DPP6: variants seen among roughly 807,000 people sequenced by gnomAD.
DPP6 encodes the protein dipeptidyl peptidase like 6.
DPP6 carries 69 observed loss-of-function variants against 122.6 expected under a neutral mutation model. The observed-to-expected ratio is 0.56, with a 90% confidence interval of 0.46 to 0.69. The LOEUF (loss-of-function observed/expected upper bound fraction) is 0.69, where lower values mean the gene tolerates loss of function less well. DPP6 is among the 30% of genes least tolerant of loss of function. The pLI is 0.00. For synonymous variants in DPP6, 418 were observed against 433.1 expected, an observed-to-expected ratio of 0.97 and a Z score of 0.43; for missense variants, 928 against 1,116.9, an observed-to-expected ratio of 0.83 and a Z score of 2.41.
chr7:154,766,325 T>G (rs1795897119), intron 8 of DPP6, among the ~76,000 whole-genome samples: 1 of 151,672 alleles, frequency 6.6e-6, no homozygotes, highest in Non-Finnish European at 1.5e-5. Context: ...TTTATTTTAT[T>G]TTATTTTTTT....
chr7:154,084,998 A>AAC (rs1804288612), intron 1 of DPP6, among the ~76,000 whole-genome samples: 1 of 151,544 alleles, frequency 6.6e-6, no homozygotes, highest in African/African-American at 2.4e-5. Context: ...TCAAAAAAAA[A>AAC]AAAAAAAAAA....
At chr7:153,827,146 G>A in the DPP6 span, among the ~76,000 whole-genome samples, 1 of 152,140 alleles carries the variant, frequency 6.6e-6, no homozygotes, top group Non-Finnish European at 1.5e-5. Flanking sequence ...AAGATAAGGT[G>A]ACAGAATACA....
At chr7:153,846,611 C>T in the DPP6 span, among the ~76,000 whole-genome samples, 1 of 149,488 alleles carries the variant, frequency 6.7e-6, no homozygotes, top group Admixed American at 6.7e-5. Context: ...CATCCAATCT[C>T]TATTCTTCTT....
chr7:154,476,200 A>C (rs2151352563), intron 3 of DPP6, among the ~76,000 whole-genome samples: 1 of 152,328 alleles, frequency 6.6e-6, no homozygotes, highest in African/African-American at 2.4e-5. Context: ...CTTATTTAAA[A>C]GTGAAAAAAG....
chr7:154,248,868 G>GA lies in DPP6; in HGVS notation c.243+195817dup, dbSNP rs542936174. On this transcript the variant is annotated intron_variant, in intron 1 of 25. Coordinates refer to ENST00000377770, the MANE Select transcript of DPP6 (RefSeq NM_130797.4). ...GCAACAGAGGGAGACTCCGTCTCAG[G>GA]AAAAAAAAAAAAGAAAAGGCATTGA... Among the ~76,000 whole-genome samples the GA allele has an allele frequency of 1.8e-3, 258 of 140,798 alleles. 1 individual carries two copies. Among genetic ancestry groups the GA allele is most frequent in the African/African-American group, 3.7e-3 (141 of 38,272 alleles). 92.4% of individuals were successfully genotyped at this position (140,798 alleles called of 152,430 possible).
chr7:154,793,054 T>G (rs1312303665), intron 10 of DPP6, among the ~76,000 whole-genome samples: 3 of 152,242 alleles, frequency 2.0e-5, no homozygotes, highest in Non-Finnish European at 2.9e-5. Context: ...AGCCAAGGCA[T>G]CTGGCTATAG....
chr7:154,092,262 T>A (rs1804908396), intron 1 of DPP6: 1 of 152,320 alleles, frequency 6.6e-6, no homozygotes, highest in East Asian at 1.9e-4. Context: ...AAAAAGAGCA[T>A]TTTCTTACAG....
At chr7:154,807,727 CAGA>C (rs1280566601) in intron 16 of DPP6, among the ~76,000 whole-genome samples, 1 of 152,058 alleles carries the variant, frequency 6.6e-6, no homozygotes, top group Non-Finnish European at 1.5e-5. Context: ...GAGGCTGAGG[CAGA>C]AGAATTGCTT....
At chr7:154,619,510 GA>G (rs2130845028) in intron 5 of DPP6, among the ~76,000 whole-genome samples, 1 of 152,324 alleles carries the variant, frequency 6.6e-6, no homozygotes, top group East Asian at 1.9e-4. Flanking sequence ...ACACACTTAT[GA>G]AACTCTCACC....
chr7:153,871,301 A>C, the DPP6 span, among the ~76,000 whole-genome samples: 463 of 152,292 alleles, frequency 3.0e-3, 5 homozygotes, highest in African/African-American at 0.01. Flanking sequence ...GGCTCCACGC[A>C]GTTTGAGCTT....
In DPP6 at chr7:154,481,539, A is replaced by G. The variant is rs1485153313; in HGVS notation, c.457+6502A>G. ...CACAGCCCTGGCCCCCCGACCCTCC[A>G]TGTCTCAGACTCTACATGATCTGTT... On this transcript the variant is annotated intron_variant, in intron 3 of 25. Transcript: ENST00000377770. The surrounding 1 kb of genome is among the most constrained non-coding windows in gnomAD (Gnocchi z 4.2). 1.7e-5 allele frequency among the ~76,000 whole-genome samples: 2 copies of G among 116,120 alleles called. No individual in the cohort carries two copies. Among genetic ancestry groups the G allele is most frequent in the Non-Finnish European group, 3.5e-5 (2 of 56,944 alleles). 76.2% of individuals were successfully genotyped at this position (116,120 alleles called of 152,430 possible).
chr7:154,402,083 A>G (rs1370071868), intron 1 of DPP6, among the ~76,000 whole-genome samples: 5 of 151,776 alleles, frequency 3.3e-5, no homozygotes, highest in Admixed American at 3.3e-4. Context: ...GCAATCATTA[A>G]AAAGTCAGGA....
the DPP6 span, among the ~76,000 whole-genome samples, chr7:153,831,767 G>A: frequency 1.3e-5 from 2 of 152,184 alleles, no homozygotes; most frequent in African/African-American, 4.8e-5. Flanking sequence ...GCAGTGGGCT[G>A]GGTTTGGCCC....
chr7:154,336,729 T>C (rs1347003727), intron 1 of DPP6, among the ~76,000 whole-genome samples: 1 of 151,920 alleles, frequency 6.6e-6, no homozygotes, highest in African/African-American at 2.4e-5. Flanking sequence ...TTGGGTAGGA[T>C]TGTGGCAACT....
At chr7:154,464,910 T>C (rs1821654177) in intron 2 of DPP6, among the ~76,000 whole-genome samples, 1 of 152,222 alleles carries the variant, frequency 6.6e-6, no homozygotes, top group South Asian at 2.1e-4. Context: ...TAGTGCTGAA[T>C]CCTACTTATA....
chr7:153,892,066 A>G (rs946406237), intron 1 of DPP6, among the ~76,000 whole-genome samples: 6 of 152,208 alleles, frequency 3.9e-5, no homozygotes, highest in Non-Finnish European at 8.8e-5. Flanking sequence ...TGATGTATCT[A>G]TGGCATGACG....
At chr7:153,765,960 A>C in the DPP6 span, among the ~76,000 whole-genome samples, 1 of 152,238 alleles carries the variant, frequency 6.6e-6, no homozygotes, top group Non-Finnish European at 1.5e-5. Context: ...CTGATTGAGT[A>C]GGTCTAGGGT....
chr7:153,917,726 C>G (rs142572604), intron 1 of DPP6, among the ~76,000 whole-genome samples: 2 of 152,088 alleles, frequency 1.3e-5, no homozygotes, highest in Non-Finnish European at 2.9e-5. Context: ...GTGTGACATG[C>G]GAAGGGTGGA....
At chr7:154,666,831 G>A (rs139161238) in intron 6 of DPP6, among the ~76,000 whole-genome samples, 1 of 152,206 alleles carries the variant, frequency 6.6e-6, no homozygotes, top group Non-Finnish European at 1.5e-5. Flanking sequence ...TGCATTGTTT[G>A]AGGTGAATTC....
Sources: allele counts gnomAD v4.1 joint callset (sites outside exome capture counted in the v4.1 genomes callset), GRCh38; gene constraint gnomAD v4.1.1; non-coding constraint Gnocchi (gnomAD v3.1); transcripts MANE v1.5; gene names NCBI Gene and HGNC (gene_info 2026-07-23, HGNC 2026-07-21).